Variants in TMEM178B observed in about 807,000 individuals in gnomAD.
The protein encoded by TMEM178B is transmembrane protein 178B.
TMEM178B carries 5 observed loss-of-function variants against 31.0 expected under a neutral mutation model. That is an observed-to-expected ratio of 0.16 (90% CI 0.08 to 0.34). The LOEUF (loss-of-function observed/expected upper bound fraction) is 0.34, where lower values mean the gene tolerates loss of function less well. TMEM178B is among the 10% of genes least tolerant of loss of function. The probability of loss-of-function intolerance (pLI) is 1.00; values close to 1 mark genes in which losing one functional copy is unlikely to be tolerated. For missense variants in TMEM178B, 275 were observed against 400.3 expected, an observed-to-expected ratio of 0.69 and a Z score of 2.67; for synonymous variants, 164 against 164.0, an observed-to-expected ratio of 1.00 and a Z score of 0.00.
chr7:141,470,636 C>T lies in TMEM178B; in HGVS notation c.735C>T (p.Ser245=), dbSNP rs997119322. The T allele has an allele frequency of 6.5e-6, 10 of 1,535,446 alleles. No homozygotes were observed. In the African/African-American group the frequency reaches 1.2e-4, roughly 19 times the overall value. Residue 245 remains serine, a synonymous_variant, in exon 4 of 4, where the codon AGC becomes AGT. Coordinates refer to ENST00000565468, the MANE Select transcript of TMEM178B (RefSeq NM_001195278.2). ...RYLYGLPDDI[S]HGYGWSMFCA... ...TGTACGGACTCCCTGATGACATCAG[C>T]CATGGCTATGGCTGGTCCATGTTCT...
chr7:141,133,466 G>A (rs957838107), intron 1 of TMEM178B, among the ~76,000 whole-genome samples: 5 of 151,926 alleles, frequency 3.3e-5, no homozygotes, highest in South Asian at 2.1e-4. Flanking sequence ...TGAGAGCTTC[G>A]ATAACAGACT....
At chr7:141,166,915 C>T (rs565481708) in intron 1 of TMEM178B, among the ~76,000 whole-genome samples, 5 of 152,294 alleles carry the variant, frequency 3.3e-5, no homozygotes, top group South Asian at 4.2e-4. Flanking sequence ...CATTCATTCC[C>T]CTTTCTTGTC....
chr7:141,489,285 A>T, the TMEM178B span, among the ~76,000 whole-genome samples: 2 of 152,164 alleles, frequency 1.3e-5, no homozygotes, highest in East Asian at 3.8e-4. Flanking sequence ...AGCCCATCTC[A>T]GTTTTAAATC....
chr7:141,130,439 T>A (rs1795575980), intron 1 of TMEM178B, among the ~76,000 whole-genome samples: 1 of 152,214 alleles, frequency 6.6e-6, no homozygotes, highest in South Asian at 2.1e-4. Flanking sequence ...ATGTGATCTT[T>A]TATGTTTGCC....
intron 2 of TMEM178B, among the ~76,000 whole-genome samples, chr7:141,391,172 C>T (rs1800531410): frequency 6.7e-6 from 1 of 148,234 alleles, no homozygotes; most frequent in Admixed American, 6.8e-5. Flanking sequence ...TTTCAACCCC[C>T]TGCTTTTTTT....
At chr7:141,454,611 C>T (rs1472711155) in intron 3 of TMEM178B, among the ~76,000 whole-genome samples, 1 of 149,082 alleles carries the variant, frequency 6.7e-6, no homozygotes, top group Non-Finnish European at 1.5e-5. Context: ...TCCTTCCTCT[C>T]CTTCCTTTCC....
chr7:141,351,641 G>A (rs1799725309), intron 2 of TMEM178B, among the ~76,000 whole-genome samples: 2 of 152,250 alleles, frequency 1.3e-5, no homozygotes, highest in South Asian at 4.1e-4. Context: ...AATGGTTGTG[G>A]CCATTTTTGC....
At chr7:141,482,622 G>A (rs958104534), downstream of TMEM178B, among the ~76,000 whole-genome samples, 11 of 152,228 alleles carry the variant, frequency 7.2e-5, no homozygotes, top group South Asian at 2.1e-4. Flanking sequence ...CCAAGACCAC[G>A]CTCGGATTCA....
rs536072432 is a variant in TMEM178B, at chr7:141,080,711, C to T, written c.382+6019C>T. The stretch of plus-strand genomic sequence containing the variant: ...TGGGCACCATGAAGGTCTGCCCTTA[C>T]GAAGCGCAAAGGGGAAGAATGACAA... On this transcript the variant is annotated intron_variant, in intron 1 of 3. Transcript: ENST00000565468. Among the ~76,000 whole-genome samples the T allele has an allele frequency of 3.3e-5, 5 of 152,260 alleles. No homozygotes were observed. In the East Asian group the frequency reaches 7.7e-4, roughly 23 times the overall value.
In TMEM178B at chr7:141,453,050, A is replaced by G. The variant is rs145496358; in HGVS notation, c.634+15305A>G. On this transcript the variant is annotated intron_variant, in intron 3 of 3. Coordinates refer to ENST00000565468, the MANE Select transcript of TMEM178B (RefSeq NM_001195278.2). Reference sequence around the variant, plus strand: ...CCTATTGAAGCCTGAAGCTGTTGTCAAGGCTCAACTTACAGATAGCGTCTT... The same window carrying G: ...CCTATTGAAGCCTGAAGCTGTTGTCGAGGCTCAACTTACAGATAGCGTCTT... Among the ~76,000 whole-genome samples the G allele has an allele frequency of 7.7e-3, 1,171 of 152,354 alleles. 23 individuals are homozygous for G. Among genetic ancestry groups the G allele is most frequent in the African/African-American group, 0.027 (1,122 of 41,578 alleles).
At chr7:141,124,234 G>A (rs759044809) in intron 1 of TMEM178B, among the ~76,000 whole-genome samples, 3 of 152,152 alleles carry the variant, frequency 2.0e-5, no homozygotes, top group Non-Finnish European at 4.4e-5. Flanking sequence ...AGGCGTGGTG[G>A]TGTGGGCCTG....
At chr7:141,348,847 A>G (rs996718583) in intron 2 of TMEM178B, among the ~76,000 whole-genome samples, 2 of 152,226 alleles carry the variant, frequency 1.3e-5, no homozygotes, top group Non-Finnish European at 2.9e-5. Flanking sequence ...TCAGAGCATT[A>G]GCGAGCAGAA....
intron 2 of TMEM178B, among the ~76,000 whole-genome samples, chr7:141,286,308 A>C: frequency 6.6e-6 from 1 of 152,234 alleles, no homozygotes; most frequent in East Asian, 1.9e-4. Context: ...TATTTTACAG[A>C]GAATTACCCA....
At chr7:141,240,582 T>C (rs1331235919) in intron 2 of TMEM178B, among the ~76,000 whole-genome samples, 1 of 152,272 alleles carries the variant, frequency 6.6e-6, no homozygotes, top group Non-Finnish European at 1.5e-5. Flanking sequence ...CAAATTTTAC[T>C]TTTAAGAATA....
chr7:141,179,730 G>A (rs1314082600), intron 1 of TMEM178B, among the ~76,000 whole-genome samples: 2 of 152,206 alleles, frequency 1.3e-5, no homozygotes, highest in Non-Finnish European at 2.9e-5. Context: ...CAGTGTCAGA[G>A]CAGGCCATCC....
intron 2 of TMEM178B, among the ~76,000 whole-genome samples, chr7:141,348,000 AC>A (rs1799649317): frequency 6.6e-6 from 1 of 152,224 alleles, no homozygotes; most frequent in South Asian, 2.1e-4. Flanking sequence ...TGAGTACAGA[AC>A]AATATTTACT....
chr7:141,082,239 G>T (rs511001), intron 1 of TMEM178B, among the ~76,000 whole-genome samples: 115,123 of 152,028 alleles, frequency 0.76, 44,896 homozygotes, highest in Non-Finnish European at 0.85. Flanking sequence ...TTTGGGTGTT[G>T]CAGGGAAAAG....
chr7:141,159,603 G>A (rs1459340860), intron 1 of TMEM178B, among the ~76,000 whole-genome samples: 1 of 152,172 alleles, frequency 6.6e-6, no homozygotes, highest in Admixed American at 6.5e-5. Flanking sequence ...TCATAGAGTG[G>A]AATATTATTC....
At chr7:141,380,529 G>A (rs1800295755) in intron 2 of TMEM178B, among the ~76,000 whole-genome samples, 1 of 152,046 alleles carries the variant, frequency 6.6e-6, no homozygotes, top group Non-Finnish European at 1.5e-5. Context: ...AGAATATGTT[G>A]TTTACTACCA....
Sources: allele counts gnomAD v4.1 joint callset (sites outside exome capture counted in the v4.1 genomes callset), GRCh38; gene constraint gnomAD v4.1.1; transcripts MANE v1.5; gene names NCBI Gene and HGNC (gene_info 2026-07-23, HGNC 2026-07-21).